ADK: variants seen among roughly 807,000 people sequenced by gnomAD.
ADK encodes the protein N6,N6-dimethyladenosine kinase.
A neutral mutation model predicts 44.7 loss-of-function variants in ADK; 24 were observed. The ratio of observed to expected loss-of-function variants is 0.54; its 90% CI spans 0.39 to 0.76. The LOEUF is 0.76. ADK is among the 30% of genes least tolerant of loss of function. The probability of loss-of-function intolerance (pLI) is 0.00; values close to 1 mark genes in which losing one functional copy is unlikely to be tolerated. For synonymous variants in ADK, 128 were observed against 142.6 expected (o/e 0.90, Z 0.73); for missense variants, 321 against 425.1 (o/e 0.76, Z 2.15).
chr10:74,224,118 A>G (rs113986702), intron 2 of ADK, among the ~76,000 whole-genome samples: 231 of 152,054 alleles, frequency 1.5e-3, no homozygotes, highest in Non-Finnish European at 2.4e-3. Context: ...AAACCCTCCA[A>G]AGCTTTTCTT....
intron 2 of ADK, among the ~76,000 whole-genome samples, chr10:74,210,225 A>C (rs553597771): frequency 6.7e-6 from 1 of 148,792 alleles, no homozygotes; most frequent in African/African-American, 2.5e-5. Flanking sequence ...GCTACTCAGG[A>C]GGCTGAGGCA....
At chr10:74,483,279 G>C (rs778305591) in intron 6 of ADK, among the ~76,000 whole-genome samples, 1 of 152,214 alleles carries the variant, frequency 6.6e-6, no homozygotes, top group Non-Finnish European at 1.5e-5. Flanking sequence ...AGTGGCCTGA[G>C]ATGTATCTGG....
intron 6 of ADK, among the ~76,000 whole-genome samples, chr10:74,446,053 A>G (rs1165711688): frequency 6.6e-6 from 1 of 152,098 alleles, no homozygotes; most frequent in East Asian, 1.9e-4. Context: ...TGGTTAGCTA[A>G]AACCCAATAA....
intron 9 of ADK, among the ~76,000 whole-genome samples, chr10:74,663,197 T>C (rs988669659): frequency 1.3e-5 from 2 of 150,104 alleles, no homozygotes; most frequent in Admixed American, 1.3e-4. Flanking sequence ...ACCACACCAC[T>C]GTACCCCAGC....
At chr10:74,378,841 C>T (rs950271593) in intron 4 of ADK, among the ~76,000 whole-genome samples, 2 of 151,960 alleles carry the variant, frequency 1.3e-5, no homozygotes, top group East Asian at 1.9e-4. Flanking sequence ...TGGTGTGCTT[C>T]TGGAGTCCTA....
intron 6 of ADK, among the ~76,000 whole-genome samples, chr10:74,522,475 A>T (rs554480931): frequency 2.4e-4 from 37 of 152,270 alleles, no homozygotes; most frequent in Admixed American, 2.2e-3. Context: ...GCCCTGACAC[A>T]ATTATAGTAG....
intron 1 of ADK, among the ~76,000 whole-genome samples, chr10:74,179,120 A>G (rs1842449328): frequency 6.6e-6 from 1 of 152,188 alleles, no homozygotes; most frequent in Non-Finnish European, 1.5e-5. Flanking sequence ...AGAGAACACA[A>G]CTACTGGGTG....
chr10:74,366,855 G>C (rs1236927266), intron 4 of ADK, among the ~76,000 whole-genome samples: 1 of 152,140 alleles, frequency 6.6e-6, no homozygotes, highest in Non-Finnish European at 1.5e-5. Context: ...GTTTGAGCTT[G>C]GTAGGCAGAG....
intron 3 of ADK, among the ~76,000 whole-genome samples, chr10:74,297,850 G>A (rs919920332): frequency 7.2e-5 from 11 of 152,110 alleles, no homozygotes; most frequent in Admixed American, 2.6e-4. Flanking sequence ...GAATTGAGTC[G>A]TTGCAACACA....
At chr10:74,519,314 A>T (rs1413466534) in intron 6 of ADK, among the ~76,000 whole-genome samples, 1 of 152,028 alleles carries the variant, frequency 6.6e-6, no homozygotes, top group East Asian at 1.9e-4. Flanking sequence ...TTTACATTTA[A>T]ATTAATGAAA....
chr10:74,594,103 G>A (rs1851811525), intron 8 of ADK, among the ~76,000 whole-genome samples: 1 of 150,956 alleles, frequency 6.6e-6, no homozygotes. Context: ...GCCAAACACT[G>A]CATGTTCTCA....
intron 9 of ADK, among the ~76,000 whole-genome samples, chr10:74,634,072 G>A (rs762640360): frequency 8.5e-5 from 13 of 152,170 alleles, no homozygotes; most frequent in Non-Finnish European, 1.2e-4. Context: ...TAATAAAGAT[G>A]TCTCATTGTC....
intron 6 of ADK, among the ~76,000 whole-genome samples, chr10:74,468,111 C>T (rs1429512189): frequency 2.0e-5 from 3 of 152,128 alleles, no homozygotes; most frequent in Non-Finnish European, 4.4e-5. Flanking sequence ...ATGATTCTGA[C>T]TGGGGAAGAG....
At chr10:74,524,467 A>T (rs1412237198) in intron 6 of ADK, among the ~76,000 whole-genome samples, 1 of 152,120 alleles carries the variant, frequency 6.6e-6, no homozygotes, top group Non-Finnish European at 1.5e-5. Flanking sequence ...ATCTCGGCTC[A>T]CTTCAACCTC....
At chr10:74,535,952 G>T (rs1303629125) in intron 7 of ADK, among the ~76,000 whole-genome samples, 1 of 151,950 alleles carries the variant, frequency 6.6e-6, no homozygotes. Context: ...TTTAGATTAT[G>T]AAAGCTATTT....
intron 6 of ADK, among the ~76,000 whole-genome samples, chr10:74,436,560 G>A (rs1845185173): frequency 6.6e-6 from 1 of 151,648 alleles, no homozygotes. Context: ...GGCAACTGAT[G>A]AGAAAATAAC....
intron 6 of ADK, among the ~76,000 whole-genome samples, chr10:74,439,039 A>G (rs937062747): frequency 1.3e-5 from 2 of 152,222 alleles, no homozygotes; most frequent in African/African-American, 2.4e-5. Flanking sequence ...TAAAACTGTA[A>G]TCCTTCATAA....
chr10:74,589,336 G>T lies in ADK; in HGVS notation c.762+19G>T. The T allele has an allele frequency of 6.2e-7, 1 of 1,612,572 alleles. No individual in the cohort carries two copies. Among genetic ancestry groups the T allele is most frequent in the Non-Finnish European group, 8.5e-7 (1 of 1,179,128 alleles). On this transcript the variant is annotated intron_variant, in intron 8 of 10. Coordinates refer to ENST00000539909, the MANE Select transcript of ADK (RefSeq NM_006721.4). ...CTTTGAGGTGAGTTAACCCACAATTGCACACTAAACAGATCCTAAAGGTTT... is the reference window on the plus strand; with the variant it reads ...CTTTGAGGTGAGTTAACCCACAATTTCACACTAAACAGATCCTAAAGGTTT...
At chr10:74,373,322 A>G (rs1004713207) in intron 4 of ADK, among the ~76,000 whole-genome samples, 16 of 152,298 alleles carry the variant, frequency 1.1e-4, no homozygotes, top group East Asian at 1.9e-4. Flanking sequence ...GAATAAATAA[A>G]TTAGATTTCA....
Sources: gnomAD v4.1 joint callset for allele counts (sites outside exome capture counted in the v4.1 genomes callset) on GRCh38, gnomAD v4.1.1 for gene constraint, MANE v1.5 for transcripts, NCBI Gene and HGNC (gene_info 2026-07-23, HGNC 2026-07-21) for gene names.